The following LRRC34 variants were observed in gnomAD, a reference collection of about 807,000 sequenced individuals.
LRRC34 encodes leucine-rich repeat-containing protein 34.
A neutral mutation model predicts 48.5 loss-of-function variants in LRRC34; 44 were observed. The observed-to-expected ratio is 0.91, with a 90% CI of 0.71 to 1.17. The LOEUF (loss-of-function observed/expected upper bound fraction) is 1.17, where lower values mean the gene tolerates loss of function less well. Ranked by LOEUF, LRRC34 falls within the 50% of genes most tolerant of loss-of-function variation. The pLI is 0.00. For missense variants in LRRC34, 502 were observed against 563.0 expected (o/e 0.89, Z 1.10); for synonymous variants, 192 against 197.6 (o/e 0.97, Z 0.24).
chr3:169,793,714 C>T lies in LRRC34; in HGVS notation c.1316G>A (p.Trp439Ter). ...ATAAGATTCTCCATAAGTTGATGTC[C>T]AATAATAATGCTTTTTAAGGCCATT... ...VSNGLKKHYYWTSTYGESYDH... is the reference protein window; with the variant it reads ...VSNGLKKHYY The change falls in exon 11 of 11, where the codon TGG becomes TAG. Residue 439 changes from tryptophan (W) to a stop codon, truncating the protein, a stop_gained. Transcript: ENST00000446859. LOFTEE classifies it low-confidence loss of function (END_TRUNC). The T allele has an allele frequency of 6.2e-7, 1 of 1,613,656 alleles. No individual in the cohort carries two copies. Among genetic ancestry groups the T allele is most frequent in the Non-Finnish European group, 8.5e-7 (1 of 1,179,786 alleles).
chr3:169,812,808 C>T lies in LRRC34; in HGVS notation c.-260G>A. On this transcript the variant is annotated 5_prime_UTR_variant, in exon 1 of 11. Transcript: ENST00000446859. This position sits in a 1 kb window ranked among gnomAD's most constrained non-coding sequence, Gnocchi z 4.3. ...CTCCGCTGCTGAGCTAGGGCTGGGGCTACAAAGAAGATTATGACAAAGCCC... is the reference window on the plus strand; with the variant it reads ...CTCCGCTGCTGAGCTAGGGCTGGGGTTACAAAGAAGATTATGACAAAGCCC... The T allele has an allele frequency of 2.1e-6, 1 of 478,438 alleles. No homozygotes were observed. The highest frequency in any genetic ancestry group is 3.6e-6 in the Non-Finnish European group (1 of 275,290). The allele number at this position is 478,438 out of a possible 1,614,324, so 29.6% of individuals were successfully genotyped here.
intron 1 of LRRC34, among the ~76,000 whole-genome samples, chr3:169,811,560 C>T (rs1259358306): frequency 6.6e-6 from 1 of 152,176 alleles, no homozygotes. Flanking sequence ...AGGAAAATGT[C>T]AAGAACCTAA....
chr3:169,796,194 A>ATTT lies in LRRC34; in HGVS notation c.1064+19_1064+20insAAA. ...AATTTGCTTTTCTGTTATTTTGATT[A>ATTT]AATATAAAACCATACTAACGCTTTA... is the stretch of plus-strand genomic sequence containing the variant. On this transcript the variant is annotated intron_variant, in intron 9 of 10. Coordinates refer to ENST00000446859, the MANE Select transcript of LRRC34 (RefSeq NM_001172779.2). The ATTT allele has an allele frequency of 3.5e-5, 54 of 1,564,080 alleles. No homozygotes were observed. In the East Asian group the frequency reaches 8.4e-4, roughly 24 times the overall value.
At chr3:169,810,493 G>A (rs1779523028) in intron 1 of LRRC34, among the ~76,000 whole-genome samples, 1 of 151,860 alleles carries the variant, frequency 6.6e-6, no homozygotes, top group African/African-American at 2.4e-5. Context: ...TTTCTGTCAT[G>A]TGGATAGATG....
chr3:169,806,989 A>G, intron 4 of LRRC34, 58 bp from the exon 5 acceptor site: 1 of 878,278 alleles, frequency 1.1e-6, no homozygotes, highest in South Asian at 1.5e-5. Context: ...TCAGTTTTAC[A>G]TACATGTATA....
Position 169,812,295 on chromosome 3 carries a change from C to G in LRRC34, c.139+115G>C. On this transcript the variant is annotated intron_variant, in intron 1 of 10. Coordinates refer to ENST00000446859, the MANE Select transcript of LRRC34 (RefSeq NM_001172779.2). This position sits in a 1 kb window ranked among gnomAD's most constrained non-coding sequence, Gnocchi z 4.3. ...GCTGGGGTTCCCAGGGGCCCCCCTC[C>G]CGCCTCGACGCCTTGGGCTGGCGGG... The G allele has an allele frequency of 7.4e-7, 1 of 1,343,684 alleles. No individual in the cohort carries two copies. The highest frequency in any genetic ancestry group is 1.6e-5 in the South Asian group (1 of 63,014). The allele number at this position is 1,343,684 out of a possible 1,614,324, so 83.2% of individuals were successfully genotyped here.
At position 169,796,373 on chromosome 3, in the gene LRRC34, G is replaced by C. The variant is rs753226504; in HGVS notation, c.909-4C>G. On this transcript the variant is annotated splice_polypyrimidine_tract_variant and splice_region_variant and intron_variant, in intron 8 of 10. Coordinates refer to ENST00000446859, the MANE Select transcript of LRRC34 (RefSeq NM_001172779.2). ...TCCATCATGAGTTATTTTGTTGCTG[G>C]CAAAGGAAAAATAGTTATATTTGAA... The C allele has an allele frequency of 6.3e-7, 1 of 1,593,902 alleles. No individual in the cohort carries two copies. The highest frequency in any genetic ancestry group is 1.4e-5 in the African/African-American group (1 of 73,566).
chr3:169,793,589 T>C lies in LRRC34; in HGVS notation c.*46A>G. 7.3e-7 allele frequency: 1 copy of C among 1,374,942 alleles called. No homozygotes were observed. Among genetic ancestry groups the C allele is most frequent in the Non-Finnish European group, 1.0e-6 (1 of 979,602 alleles). The allele number at this position is 1,374,942 out of a possible 1,614,324, so 85.2% of individuals were successfully genotyped here. On this transcript the variant is annotated 3_prime_UTR_variant, in exon 11 of 11. Coordinates refer to ENST00000446859, the MANE Select transcript of LRRC34 (RefSeq NM_001172779.2). ...ATAGGCTATAGAATATTAATCTCTG[T>C]GAAACAATAAGACAAGTGTATGAAA... is the stretch of plus-strand genomic sequence containing the variant.
chr3:169,807,705 C>G lies in LRRC34; in HGVS notation c.262G>C (p.Ala88Pro). The G allele has an allele frequency of 8.0e-7, 1 of 1,255,516 alleles. No individual in the cohort carries two copies. Among genetic ancestry groups the G allele is most frequent in the Non-Finnish European group, 1.1e-6 (1 of 926,982 alleles). The allele number at this position is 1,255,516 out of a possible 1,614,324, so 77.8% of individuals were successfully genotyped here. Residue 88 changes from alanine (A) to proline (P), a missense_variant, in exon 3 of 11, where the codon GCA (alanine) becomes CCA (proline). Physicochemically the swap from Ala to Pro is conservative, Grantham distance 27 (BLOSUM62 -1). Coordinates refer to ENST00000446859, the MANE Select transcript of LRRC34 (RefSeq NM_001172779.2). ...GCAATGTTTAATGTGATTCCTGCTG[C>G]TAGCCTGTTAAAATACAAAAAAAAA... ...EVDEEIKKGL[A>P]AGITLNIAGN...
At chr3:169,809,792 C>G (rs1432622858) in intron 1 of LRRC34, among the ~76,000 whole-genome samples, 7 of 152,236 alleles carry the variant, frequency 4.6e-5, no homozygotes, top group Non-Finnish European at 4.4e-5. Context: ...TACTGAGTGT[C>G]CTTTGCACTC....
chr3:169,796,366 G>A lies in LRRC34; in HGVS notation c.912C>T (p.Asn304=), dbSNP rs767809406. ...ACACCATTCCATCATGAGTTATTTT[G>A]TTGCTGGCAAAGGAAAAATAGTTAT... The part of the protein sequence containing the change: ...SSLRYLDVSC[N]KITHDGMVYL... Residue 304 remains asparagine, a synonymous_variant, in exon 9 of 11, where the codon AAC becomes AAT. Coordinates refer to ENST00000446859, the MANE Select transcript of LRRC34 (RefSeq NM_001172779.2). 4 of 1,597,584 alleles carry A rather than the reference G, an allele frequency of 2.5e-6. No individual in the cohort carries two copies. Among genetic ancestry groups the A allele is most frequent in the Non-Finnish European group, 3.4e-6 (4 of 1,175,860 alleles).
At position 169,812,601 on chromosome 3, in the gene LRRC34, A is replaced by G. The variant is rs1576754632; in HGVS notation, c.-53T>C. On this transcript the variant is annotated 5_prime_UTR_variant, in exon 1 of 11. Transcript: ENST00000446859. This position sits in a 1 kb window ranked among gnomAD's most constrained non-coding sequence, Gnocchi z 4.3. ...CCTGCAGCTGTGAGGCGGCTACACG[A>G]GCCTCGGCGCCAGCCTGCTTCGAGT... 20 of 1,418,512 alleles carry G rather than the reference A, an allele frequency of 1.4e-5. No homozygotes were observed. The East Asian group carries it at 5.5e-4, about 39-fold the overall frequency. 87.9% of individuals were successfully genotyped at this position (1,418,512 alleles called of 1,614,324 possible).
At chr3:169,795,718 T>C (rs1778961391) in intron 9 of LRRC34, 107 bp from the exon 10 acceptor site, 1 of 1,417,668 alleles carries the variant, frequency 7.1e-7, no homozygotes, top group Non-Finnish European at 9.2e-7. Flanking sequence ...TGTAATGTAG[T>C]GGTAAAAATA....
In LRRC34 at chr3:169,807,668, C is replaced by T. The variant is rs752089657; in HGVS notation, c.299G>A (p.Arg100His). ...GITLNIAGNN[R>H]LVPVERVTGE... ...TGTAACTCTTTCTACTGGCACTAAG[C>T]GATTGTTACCAGCAATGTTTAATGT... Residue 100 changes from arginine to histidine, a missense_variant, in exon 3 of 11, where the codon CGC (arginine) becomes CAC (histidine). Transcript: ENST00000446859. The T allele has an allele frequency of 1.0e-5, 16 of 1,591,034 alleles. No individual in the cohort carries two copies. Among genetic ancestry groups the T allele is most frequent in the African/African-American group, 1.5e-5 (1 of 68,844 alleles).
Position 169,795,629 on chromosome 3 carries a change from A to G in LRRC34, c.1065-18T>C, listed in dbSNP as rs777860909. The stretch of plus-strand genomic sequence containing the variant: ...CTGACAACCTGAAACCAATAATTCC[A>G]CAAGGAAAGAATACAAAAATTAGCA... On this transcript the variant is annotated intron_variant, in intron 9 of 10. Coordinates refer to ENST00000446859, the MANE Select transcript of LRRC34 (RefSeq NM_001172779.2). 1.2e-6 allele frequency: 2 copies of G among 1,600,568 alleles called. No homozygotes were observed. Among genetic ancestry groups the G allele is most frequent in the Non-Finnish European group, 8.5e-7 (1 of 1,170,988 alleles).
chr3:169,809,688 T>A (rs1167567289), intron 1 of LRRC34, among the ~76,000 whole-genome samples: 2 of 152,178 alleles, frequency 1.3e-5, no homozygotes, highest in Non-Finnish European at 2.9e-5. Context: ...GGATGTCTTT[T>A]AAAAATTTGT....
chr3:169,800,603 A>T, intron 7 of LRRC34, 56 bp downstream of exon 7: 1 of 1,056,180 alleles, frequency 9.5e-7, no homozygotes, highest in Non-Finnish European at 1.4e-6. Context: ...AACTTGTAGT[A>T]GTACCTTAGT....
intron 9 of LRRC34, 85 bp from the exon 10 acceptor site, chr3:169,795,696 T>G: frequency 6.7e-7 from 1 of 1,501,554 alleles, no homozygotes; most frequent in Non-Finnish European, 8.9e-7. Context: ...TTAGCATTAT[T>G]CTTCAGTATG....
At chr3:169,805,391 C>T (rs1338491272) in intron 5 of LRRC34, among the ~76,000 whole-genome samples, 2 of 151,998 alleles carry the variant, frequency 1.3e-5, no homozygotes, top group Non-Finnish European at 2.9e-5. Flanking sequence ...AACAACAGTT[C>T]CACTTACAAT....
Sources: gnomAD v4.1 joint callset for allele counts (sites outside exome capture counted in the v4.1 genomes callset) on GRCh38, gnomAD v4.1.1 for gene constraint, Gnocchi (gnomAD v3.1) non-coding constraint, MANE v1.5 for transcripts, NCBI Gene and HGNC (gene_info 2026-07-23, HGNC 2026-07-21) for gene names.